The following GABRG3 variants were observed in gnomAD, a reference collection of about 807,000 sequenced individuals.
The protein encoded by GABRG3 is gamma-aminobutyric acid type A receptor subunit gamma3.
GABRG3 carries 25 observed loss-of-function variants against 48.8 expected under a neutral mutation model. The observed-to-expected ratio is 0.51, with a 90% CI of 0.37 to 0.72. The LOEUF (loss-of-function observed/expected upper bound fraction) is 0.72. GABRG3 is among the 30% of genes least tolerant of loss of function. The probability of loss-of-function intolerance (pLI) is 0.00; values close to 1 mark genes in which losing one functional copy is unlikely to be tolerated. For synonymous variants in GABRG3, 227 were observed against 217.6 expected (o/e 1.04, Z -0.38); for missense variants, 394 against 577.9 (o/e 0.68, Z 3.26).
intron 6 of GABRG3, among the ~76,000 whole-genome samples, chr15:27,498,428 C>G (rs1204085256): frequency 6.6e-6 from 1 of 152,098 alleles, no homozygotes; most frequent in East Asian, 1.9e-4. Flanking sequence ...TTCTCCTTTA[C>G]TTCTTTGGTC....
At chr15:27,523,656 A>G (rs1470641668) in intron 7 of GABRG3, among the ~76,000 whole-genome samples, 12 of 151,940 alleles carry the variant, frequency 7.9e-5, no homozygotes, top group Admixed American at 7.9e-4. Context: ...AAGCTCCACA[A>G]AGAAATAGAG....
chr15:27,308,705 T>C (rs75349705), intron 3 of GABRG3, among the ~76,000 whole-genome samples: 11,464 of 149,090 alleles, frequency 0.077, 1,439 homozygotes, highest in African/African-American at 0.26. Flanking sequence ...AATGTAAACA[T>C]ACGTTTATAT....
intron 5 of GABRG3, among the ~76,000 whole-genome samples, chr15:27,346,095 AAAG>A (rs1420486858): frequency 9.3e-5 from 13 of 139,410 alleles, no homozygotes; most frequent in South Asian, 2.2e-4. Context: ...AGAAAGAAAG[AAAG>A]GAAAGAAAGA....
chr15:27,312,534 C>T (rs1161248342), intron 3 of GABRG3, among the ~76,000 whole-genome samples: 1 of 151,998 alleles, frequency 6.6e-6, no homozygotes, highest in Non-Finnish European at 1.5e-5. Context: ...TTTCGAAAAG[C>T]AGCAAGAGAA....
chr15:27,230,512 A>G (rs1889763777), intron 3 of GABRG3, among the ~76,000 whole-genome samples: 1 of 144,338 alleles, frequency 6.9e-6, no homozygotes, highest in Admixed American at 6.9e-5. Context: ...TTTTTTAATT[A>G]TAGATTTTTT....
At chr15:27,361,505 C>T (rs1279494504) in intron 5 of GABRG3, among the ~76,000 whole-genome samples, 2 of 152,140 alleles carry the variant, frequency 1.3e-5, no homozygotes, top group Non-Finnish European at 2.9e-5. Context: ...CCTGGGTAAA[C>T]GTCCCATGAA....
At chr15:27,499,016 T>C (rs1352324793) in intron 6 of GABRG3, among the ~76,000 whole-genome samples, 1 of 152,204 alleles carries the variant, frequency 6.6e-6, no homozygotes, top group Non-Finnish European at 1.5e-5. Flanking sequence ...GGGAAGAAGA[T>C]ATCTGCTCAT....
intron 5 of GABRG3, among the ~76,000 whole-genome samples, chr15:27,433,797 G>A (rs1412248997): frequency 6.6e-6 from 1 of 152,154 alleles, no homozygotes; most frequent in Non-Finnish European, 1.5e-5. Context: ...CTCCAAAGAT[G>A]CTGACTCTGA....
intron 6 of GABRG3, among the ~76,000 whole-genome samples, chr15:27,511,370 G>T (rs943638731): frequency 1.3e-5 from 2 of 152,184 alleles, no homozygotes; most frequent in South Asian, 4.1e-4. Flanking sequence ...CTCTGATAGC[G>T]AAAGGGAGGT....
intron 5 of GABRG3, among the ~76,000 whole-genome samples, chr15:27,398,910 G>A (rs968018715): frequency 1.3e-5 from 2 of 152,148 alleles, no homozygotes; most frequent in African/African-American, 4.8e-5. Flanking sequence ...TAAGAGCCGG[G>A]AAGGGGAAGT....
At chr15:27,230,750 T>C (rs1037551919) in intron 3 of GABRG3, among the ~76,000 whole-genome samples, 4 of 152,188 alleles carry the variant, frequency 2.6e-5, no homozygotes, top group Non-Finnish European at 5.9e-5. Flanking sequence ...GATCTACTTA[T>C]TTATTTATTT....
intron 3 of GABRG3, among the ~76,000 whole-genome samples, chr15:27,071,410 C>T (rs1896824792): frequency 6.6e-6 from 1 of 152,192 alleles, no homozygotes; most frequent in Non-Finnish European, 1.5e-5. Flanking sequence ...ACATACCTGC[C>T]CCACACCTGC....
At chr15:27,282,816 G>A (rs1213145322) in intron 3 of GABRG3, among the ~76,000 whole-genome samples, 1 of 152,060 alleles carries the variant, frequency 6.6e-6, no homozygotes, top group Non-Finnish European at 1.5e-5. Context: ...ATTTTATCCT[G>A]AGTATTATGC....
chr15:27,446,995 C>T (rs1351536702), intron 5 of GABRG3, among the ~76,000 whole-genome samples: 3 of 152,212 alleles, frequency 2.0e-5, no homozygotes, highest in African/African-American at 4.8e-5. Flanking sequence ...TGATGCTCCT[C>T]CCATGCACCA....
At chr15:27,068,892 C>G (rs1452401356) in intron 3 of GABRG3, among the ~76,000 whole-genome samples, 1 of 152,202 alleles carries the variant, frequency 6.6e-6, no homozygotes, top group African/African-American at 2.4e-5. Context: ...TCTCCCTGAA[C>G]CTTCTGAGAG....
At chr15:27,082,288 A>G (rs1897004404) in intron 3 of GABRG3, among the ~76,000 whole-genome samples, 1 of 152,200 alleles carries the variant, frequency 6.6e-6, no homozygotes, top group African/African-American at 2.4e-5. Flanking sequence ...ACCCAATTTC[A>G]CATGAAGCCT....
intron 6 of GABRG3, among the ~76,000 whole-genome samples, chr15:27,500,950 ATG>A: frequency 9.2e-6 from 1 of 108,330 alleles, no homozygotes; most frequent in African/African-American, 4.0e-5. Context: ...GAAGTAACGT[ATG>A]TTTTTTTTTT....
At chr15:27,320,352 C>G (rs1031124025) in intron 3 of GABRG3, among the ~76,000 whole-genome samples, 1 of 152,070 alleles carries the variant, frequency 6.6e-6, no homozygotes, top group Non-Finnish European at 1.5e-5. Flanking sequence ...CGACTTCTGT[C>G]TAGGATGAAG....
chr15:27,248,803 C>CACACAGAGAGAGAGAGAGAGAG (rs1377080195), intron 3 of GABRG3, among the ~76,000 whole-genome samples: 1 of 110,176 alleles, frequency 9.1e-6, no homozygotes, highest in African/African-American at 3.9e-5. Flanking sequence ...CACACACACA[C>CACACAGAGAGAGAGAGAGAGAG]AGAGAGAGAG....
Sources: allele counts gnomAD v4.1 joint callset (sites outside exome capture counted in the v4.1 genomes callset), GRCh38; gene constraint gnomAD v4.1.1; transcripts MANE v1.5; gene names NCBI Gene and HGNC (gene_info 2026-07-23, HGNC 2026-07-21).